Variants in ARFGEF3 observed in about 807,000 individuals in gnomAD.
ARFGEF3 encodes brefeldin A-inhibited guanine nucleotide-exchange protein 3.
In ARFGEF3, 96 loss-of-function variants were observed where a neutral mutation model predicts 221.7. That is an observed-to-expected ratio of 0.43 (90% confidence interval 0.37 to 0.51). The LOEUF is 0.51. ARFGEF3 is among the 20% of genes least tolerant of loss of function. ARFGEF3 has a pLI of 0.00. For missense variants in ARFGEF3, 2,410 were observed against 2,789.9 expected (o/e 0.86, Z 3.07); for synonymous variants, 1,145 against 1,126.8 (o/e 1.02, Z -0.32).
At chr6:138,196,813 CTTTAT>C (rs960877192) in intron 2 of ARFGEF3, among the ~76,000 whole-genome samples, 1 of 152,014 alleles carries the variant, frequency 6.6e-6, no homozygotes, top group Non-Finnish European at 1.5e-5. Flanking sequence ...ATTCTATAAG[CTTTAT>C]TTTCTTTTTC....
At chr6:138,225,788 TA>T (rs1269314815) in intron 4 of ARFGEF3, among the ~76,000 whole-genome samples, 3 of 152,318 alleles carry the variant, frequency 2.0e-5, no homozygotes, top group African/African-American at 4.8e-5. Context: ...ATATTTCTAA[TA>T]TTTTTTTTTA....
intron 6 of ARFGEF3, 77 bp downstream of exon 6, chr6:138,238,708 C>T (rs1778340404): frequency 2.1e-6 from 3 of 1,452,250 alleles, no homozygotes; most frequent in Non-Finnish European, 2.9e-6. Flanking sequence ...CCCCCACTGC[C>T]AGGGCTGCCT....
In ARFGEF3 at chr6:138,334,757, G is replaced by A; in HGVS notation, c.5911G>A (p.Glu1971Lys). The A allele has an allele frequency of 6.2e-7, 1 of 1,610,436 alleles. No homozygotes were observed. The highest frequency in any genetic ancestry group is 1.1e-5 in the South Asian group (1 of 90,530). Reference protein sequence around the residue: ...PSEDDRSQSREHMGESLSLKA... With the variant: ...PSEDDRSQSRKHMGESLSLKA... ...CGAGGATGACAGAAGCCAGTCCCGGGAGCACATGGGCGAGTCCCTGAGCCT... is the reference window on the plus strand; with the variant it reads ...CGAGGATGACAGAAGCCAGTCCCGGAAGCACATGGGCGAGTCCCTGAGCCT... The change falls in exon 33 of 34, where the codon GAG (glutamate) becomes AAG (lysine). Residue 1971 changes from glutamate to lysine, a missense_variant. Coordinates refer to ENST00000251691, the MANE Select transcript of ARFGEF3 (RefSeq NM_020340.5). This position sits in a 1 kb window ranked among gnomAD's most constrained non-coding sequence, Gnocchi z 5.1.
At chr6:138,178,664 C>T (rs1777003650) in intron 2 of ARFGEF3, among the ~76,000 whole-genome samples, 1 of 152,088 alleles carries the variant, frequency 6.6e-6, no homozygotes, top group South Asian at 2.1e-4. Flanking sequence ...TATGTCAGTG[C>T]CTTATAAATG....
At chr6:138,267,540 GATGA>G (rs1234031714) in intron 12 of ARFGEF3, among the ~76,000 whole-genome samples, 5 of 152,216 alleles carry the variant, frequency 3.3e-5, no homozygotes, top group Non-Finnish European at 7.3e-5. Context: ...AGTAATTCCA[GATGA>G]ATGAATTGTC....
chr6:138,229,609 T>TA (rs1205952056), intron 4 of ARFGEF3, among the ~76,000 whole-genome samples, 175 bp from the exon 5 acceptor site: 1 of 152,200 alleles, frequency 6.6e-6, no homozygotes, highest in Non-Finnish European at 1.5e-5. Flanking sequence ...TCTACTTTGT[T>TA]AGGCAACATG....
At chr6:138,310,211 G>A (rs566506597) in intron 24 of ARFGEF3, among the ~76,000 whole-genome samples, 10 of 152,284 alleles carry the variant, frequency 6.6e-5, no homozygotes, top group Non-Finnish European at 1.2e-4. Context: ...AGCGGCCACA[G>A]TCTAAATTTT....
rs544807089 is a variant in ARFGEF3 at position 138,282,474 on chromosome 6, G to A, written c.2461+2310G>A. Reference sequence around the variant, plus strand: ...ATGTTGCCTATGGTTGGCACTGGGGGCTCTTACAAGGTGTCAGAATAAACT... The same window carrying A: ...ATGTTGCCTATGGTTGGCACTGGGGACTCTTACAAGGTGTCAGAATAAACT... On this transcript the variant is annotated intron_variant, in intron 14 of 33. Coordinates refer to ENST00000251691, the MANE Select transcript of ARFGEF3 (RefSeq NM_020340.5). 8.5e-5 allele frequency among the ~76,000 whole-genome samples: 13 copies of A among 152,258 alleles called. No individual in the cohort carries two copies. The South Asian group carries it at 2.3e-3, about 27-fold the overall frequency.
intron 1 of ARFGEF3, among the ~76,000 whole-genome samples, chr6:138,164,702 A>G (rs918536702): frequency 2.6e-5 from 4 of 152,198 alleles, no homozygotes; most frequent in Non-Finnish European, 5.9e-5. Flanking sequence ...AATAGCTGTG[A>G]TTTAGGAATT....
intron 2 of ARFGEF3, among the ~76,000 whole-genome samples, chr6:138,206,292 T>G (rs1583010443): frequency 6.6e-6 from 1 of 152,310 alleles, no homozygotes; most frequent in East Asian, 1.9e-4. Context: ...ATTCCTAAAA[T>G]ATTTTAATGC....
chr6:138,335,250 C>G, intron 33 of ARFGEF3, 62 bp downstream of exon 33: 3 of 1,448,156 alleles, frequency 2.1e-6, no homozygotes, highest in Non-Finnish European at 2.7e-6. Flanking sequence ...GGATGGGCCC[C>G]CCCTTGCAGA....
At chr6:138,269,070 G>A (rs529280365) in intron 12 of ARFGEF3, among the ~76,000 whole-genome samples, 129 of 152,322 alleles carry the variant, frequency 8.5e-4, no homozygotes, top group African/African-American at 2.7e-3. Context: ...ATATCACCAG[G>A]GAGCCCCCAT....
At position 138,298,567 on chromosome 6, in the gene ARFGEF3, C is replaced by T. The variant is rs149353506; in HGVS notation, c.3649-39C>T. Reference sequence around the variant, plus strand: ...CTTCAGAAACCATTCTCACTGTCTGCTGTCCTGATGGTGAGCCACTCTCTC... The same window carrying T: ...CTTCAGAAACCATTCTCACTGTCTGTTGTCCTGATGGTGAGCCACTCTCTC... On this transcript the variant is annotated intron_variant, in intron 21 of 33. Coordinates refer to ENST00000251691, the MANE Select transcript of ARFGEF3 (RefSeq NM_020340.5). The T allele has an allele frequency of 8.4e-4, 1,311 of 1,566,750 alleles. 13 individuals carry two copies. The African/African-American group carries it at 0.015, about 18-fold the overall frequency.
intron 2 of ARFGEF3, among the ~76,000 whole-genome samples, chr6:138,198,131 TTTTATATTA>T (rs1777466006): frequency 6.6e-6 from 1 of 152,168 alleles, no homozygotes; most frequent in Non-Finnish European, 1.5e-5. Flanking sequence ...GGCATAACCA[TTTTATATTA>T]TTTAGAATTA....
intron 5 of ARFGEF3, among the ~76,000 whole-genome samples, chr6:138,233,453 T>G (rs981750519): frequency 5.3e-5 from 8 of 152,190 alleles, no homozygotes; most frequent in Non-Finnish European, 1.0e-4. Flanking sequence ...CTCAGCTCAC[T>G]GCAACCTACG....
chr6:138,278,296 T>A (rs1779134043), intron 12 of ARFGEF3, among the ~76,000 whole-genome samples, 155 bp from the exon 13 acceptor site: 1 of 152,142 alleles, frequency 6.6e-6, no homozygotes, highest in South Asian at 2.1e-4. Flanking sequence ...GGGGTGTGTA[T>A]CTGGCCCTAA....
chr6:138,195,033 C>T (rs912836482), intron 2 of ARFGEF3, among the ~76,000 whole-genome samples: 34 of 105,422 alleles, frequency 3.2e-4, no homozygotes, highest in African/African-American at 1.3e-3. Context: ...GATGGAGTCT[C>T]ACTCTGTCTC....
At chr6:138,204,292 C>T (rs547020309) in intron 2 of ARFGEF3, among the ~76,000 whole-genome samples, 7 of 143,766 alleles carry the variant, frequency 4.9e-5, no homozygotes, top group African/African-American at 1.3e-4. Flanking sequence ...GAGCCGAGAT[C>T]GCGCCATTGC....
intron 4 of ARFGEF3, among the ~76,000 whole-genome samples, chr6:138,226,827 A>G (rs9484130): frequency 0.085 from 12,860 of 152,174 alleles, 1,309 homozygotes; most frequent in African/African-American, 0.25. Context: ...AGCATCAACA[A>G]TTTCAATAAG....
Sources: allele counts gnomAD v4.1 joint callset (sites outside exome capture counted in the v4.1 genomes callset), GRCh38; gene constraint gnomAD v4.1.1; non-coding constraint Gnocchi (gnomAD v3.1); transcripts MANE v1.5; gene names NCBI Gene and HGNC (gene_info 2026-07-23, HGNC 2026-07-21).